The following PCNT variants were observed in gnomAD, a reference collection of about 807,000 sequenced individuals.
The protein encoded by PCNT is pericentrin.
Under a neutral mutation model 380.4 loss-of-function variants are expected in PCNT, and 319 were observed. The observed-to-expected ratio is 0.84, with a 90% CI of 0.77 to 0.92. PCNT has a LOEUF of 0.92. Ranked by LOEUF, PCNT falls within the 40% of genes least tolerant of loss-of-function variation. PCNT has a pLI of 0.00. For missense variants in PCNT, 4,400 were observed against 4,255.3 expected, an observed-to-expected ratio of 1.03 and a Z score of -0.95; for synonymous variants, 1,845 against 1,735.2, an observed-to-expected ratio of 1.06 and a Z score of -1.57.
At chr21:46,405,166 A>C (rs943250398) in intron 27 of PCNT, among the ~76,000 whole-genome samples, 2 of 152,160 alleles carry the variant, frequency 1.3e-5, no homozygotes, top group African/African-American at 4.8e-5. Context: ...CTGGGAGGCC[A>C]AGGCCACAGT....
intron 20 of PCNT, 50 bp from the exon 21 acceptor site, chr21:46,391,114 C>T (rs1406930168): frequency 4.0e-6 from 6 of 1,495,846 alleles, no homozygotes; most frequent in East Asian, 2.4e-5. Flanking sequence ...AGGCTCTCCT[C>T]AGTTACACCC....
At chr21:46,345,917 T>G (rs533749942) in intron 3 of PCNT, among the ~76,000 whole-genome samples, 1 of 152,338 alleles carries the variant, frequency 6.6e-6, no homozygotes, top group African/African-American at 2.4e-5. Flanking sequence ...GCTTCGTTCC[T>G]TCTTGTGGCT....
At chr21:46,357,236 G>C (rs1426999574) in intron 13 of PCNT, 45 bp downstream of exon 13, 10 of 1,342,006 alleles carry the variant, frequency 7.5e-6, no homozygotes, top group Middle Eastern at 1.8e-4. Context: ...CCGAGTCCTT[G>C]CTCTCTTCCA....
At chr21:46,325,240 G>T in intron 1 of PCNT, 2 of 973,952 alleles carry the variant, frequency 2.1e-6, no homozygotes, top group South Asian at 4.7e-5. Flanking sequence ...AGGATGTTCT[G>T]GCTGGGGTGC....
intron 45 of PCNT, 75 bp from the exon 46 acceptor site, chr21:46,444,619 A>G: frequency 9.1e-6 from 14 of 1,546,234 alleles, no homozygotes; most frequent in Non-Finnish European, 1.2e-5. Flanking sequence ...GCACTCAGTC[A>G]CCATGGCTCC....
intron 15 of PCNT, among the ~76,000 whole-genome samples, chr21:46,371,112 A>G (rs1029238667): frequency 2.6e-5 from 4 of 152,008 alleles, no homozygotes; most frequent in East Asian, 1.9e-4. Context: ...AGTTCCAGCT[A>G]CTTGGGAGGC....
chr21:46,365,732 A>T (rs1220479330), intron 14 of PCNT, among the ~76,000 whole-genome samples: 41 of 125,366 alleles, frequency 3.3e-4, no homozygotes, highest in South Asian at 1.9e-3. Context: ...GTGGGGTTCT[A>T]TTCACTGCCG....
intron 32 of PCNT, among the ~76,000 whole-genome samples, chr21:46,424,326 C>T (rs537502404): frequency 6.6e-6 from 1 of 152,244 alleles, no homozygotes; most frequent in Non-Finnish European, 1.5e-5. Context: ...GCCGCTGCCA[C>T]CACCACCACT....
Position 46,357,023 on chromosome 21 carries a change from C to T in PCNT, c.1986C>T (p.Ala662=), listed in dbSNP as rs575954794. 9.9e-6 allele frequency: 16 copies of T among 1,614,146 alleles called. No individual in the cohort carries two copies. The highest frequency in any genetic ancestry group is 2.2e-5 in the East Asian group (1 of 44,886). The change falls in exon 13 of 47, where the codon GCC becomes GCT. Residue 662 remains alanine (A), a synonymous_variant. Coordinates refer to ENST00000359568, the MANE Select transcript of PCNT (RefSeq NM_006031.6). ...LQGVQDGDLE[A]DTERAARVLG... ...GTGTGCAGGACGGGGACTTGGAGGC[C>T]GACACAGAGCGGGCAGCCAGAGTCT...
At chr21:46,370,006 G>A (rs1472130071) in intron 15 of PCNT, among the ~76,000 whole-genome samples, 1 of 152,230 alleles carries the variant, frequency 6.6e-6, no homozygotes, top group Non-Finnish European at 1.5e-5. Flanking sequence ...GCTGCGGGAG[G>A]GGCTGTGCAG....
Position 46,416,625 on chromosome 21 carries a change from T to C in PCNT, c.6707T>C (p.Leu2236Pro). The C allele has an allele frequency of 1.3e-6, 2 of 1,578,750 alleles. No individual in the cohort carries two copies. Among genetic ancestry groups the C allele is most frequent in the Non-Finnish European group, 8.6e-7 (1 of 1,163,274 alleles). ...SPEVLRKDWT[L>P]EPWPSLPVTP... ...GAGGTCCTCAGGAAGGACTGGACCC[T>C]GGAGCCCTGGCCCAGCCTCCCCGTG... Residue 2236 changes from leucine to proline, a missense_variant, in exon 30 of 47, where the codon CTG (leucine) becomes CCG (proline). Transcript: ENST00000359568.
rs1222674762 is a variant in PCNT at position 46,411,675 on chromosome 21, G to A, written c.5602G>A (p.Ala1868Thr). 6.2e-7 allele frequency: 1 copy of A among 1,613,012 alleles called. No individual in the cohort carries two copies. The highest frequency in any genetic ancestry group is 1.7e-5 in the Admixed American group (1 of 60,034). ...EFEAALKAKEATIAERNLEID... is the reference protein window; with the variant it reads ...EFEAALKAKETTIAERNLEID... ...CGAAGCGGCCCTGAAAGCAAAGGAA[G>A]CGACGATTGCCGAGAGAAATTTAGA... is the stretch of plus-strand genomic sequence containing the variant. Residue 1868 changes from alanine (A) to threonine (T), a missense_variant, in exon 28 of 47, where the codon GCG becomes ACG. By Grantham distance (58) the Ala-to-Thr change is moderately conservative (BLOSUM62 0). Coordinates refer to ENST00000359568, the MANE Select transcript of PCNT (RefSeq NM_006031.6).
chr21:46,428,472 G>A lies in PCNT; in HGVS notation c.7572G>A (p.Leu2524=). The A allele has an allele frequency of 1.2e-6, 2 of 1,612,376 alleles. No homozygotes were observed. Among genetic ancestry groups the A allele is most frequent in the South Asian group, 1.1e-5 (1 of 90,956 alleles). The change falls in exon 35 of 47, where the codon CTG becomes CTA. Residue 2524 remains leucine (L), a synonymous_variant. Transcript: ENST00000359568. Reference sequence around the variant, plus strand: ...GCCTGCTGTCCGAGATCCAGGCGCTGCGTGCCCAGCTGCGCATGACGCACC... The same window carrying A: ...GCCTGCTGTCCGAGATCCAGGCGCTACGTGCCCAGCTGCGCATGACGCACC... ...RSSLLSEIQA[L]RAQLRMTHLQ...
rs371827788 is a variant in PCNT, at chr21:46,344,058, T to C, written c.640-2070T>C. On this transcript the variant is annotated intron_variant, in intron 3 of 46. Coordinates refer to ENST00000359568, the MANE Select transcript of PCNT (RefSeq NM_006031.6). ...TGATCTATCAGTTTTGTTTATCTTT[T>C]CTTTTCTTTTCTTTTTTTTTTTTTG... Among the ~76,000 whole-genome samples the C allele has an allele frequency of 1.2e-3, 185 of 151,700 alleles. 3 individuals are homozygous for C. The highest frequency in any genetic ancestry group is 1.0e-3 in the South Asian group (5 of 4,816).
chr21:46,345,870 G>A (rs992929865), intron 3 of PCNT, among the ~76,000 whole-genome samples: 2 of 152,198 alleles, frequency 1.3e-5, no homozygotes, highest in Admixed American at 6.5e-5. Flanking sequence ...TCAGCCTCAC[G>A]TCTTCAGGGC....
At chr21:46,416,928 C>A in intron 30 of PCNT, 89 bp downstream of exon 30, 1 of 1,329,568 alleles carries the variant, frequency 7.5e-7, no homozygotes, top group African/African-American at 1.4e-5. Flanking sequence ...TTGTTCACCT[C>A]CTGACAGCAC....
intron 41 of PCNT, 78 bp from the exon 42 acceptor site, chr21:46,440,005 C>T (rs1023570427): frequency 3.1e-6 from 5 of 1,587,498 alleles, no homozygotes; most frequent in Non-Finnish European, 4.3e-6. Flanking sequence ...TTCTCCCTCA[C>T]CTGCCCCCGG....
At chr21:46,371,797 G>GTGCACACACAGCACA (rs2085136903) in intron 15 of PCNT, among the ~76,000 whole-genome samples, 1 of 151,116 alleles carries the variant, frequency 6.6e-6, no homozygotes, top group African/African-American at 2.4e-5. Context: ...CACAGCACAT[G>GTGCACACACAGCACA]TGCACACACA....
Position 46,431,823 on chromosome 21 carries a change from C to T in PCNT, c.8359C>T (p.His2787Tyr), listed in dbSNP as rs564218754. 3.1e-6 allele frequency: 5 copies of T among 1,613,844 alleles called. No homozygotes were observed. The highest frequency in any genetic ancestry group is 2.7e-5 in the African/African-American group (2 of 75,068). The change falls in exon 38 of 47, where the codon CAT (histidine) becomes TAT (tyrosine). Residue 2787 changes from histidine (H) to tyrosine (Y), a missense_variant. His to Tyr is a moderately conservative substitution (Grantham distance 83). Transcript: ENST00000359568. Reference protein sequence around the residue: ...EACVHQDTQAHHALLQKLKEE... With the variant: ...EACVHQDTQAYHALLQKLKEE... The stretch of plus-strand genomic sequence containing the variant: ...TTGCGTGCACCAGGACACACAGGCC[C>T]ATCACGCTCTGCTGCAGAAGCTGAA...
Sources: allele counts gnomAD v4.1 joint callset (sites outside exome capture counted in the v4.1 genomes callset), GRCh38; gene constraint gnomAD v4.1.1; transcripts MANE v1.5; gene names NCBI Gene and HGNC (gene_info 2026-07-23, HGNC 2026-07-21).